Variants in WDR27 observed in about 807,000 individuals in gnomAD.
WDR27 encodes WD repeat-containing protein 27.
In WDR27, 100 loss-of-function variants were observed where a neutral mutation model predicts 114.4. That is an observed-to-expected ratio of 0.87 (90% confidence interval 0.74 to 1.03). The LOEUF (loss-of-function observed/expected upper bound fraction) is 1.03, where lower values mean the gene tolerates loss of function less well. WDR27 is among the 50% of genes least tolerant of loss of function. WDR27 has a pLI of 0.00. For missense variants in WDR27, 1,129 were observed against 1,092.9 expected, an observed-to-expected ratio of 1.03 and a Z score of -0.47; for synonymous variants, 449 against 423.1, an observed-to-expected ratio of 1.06 and a Z score of -0.75.
At chr6:169,442,379 A>G in the WDR27 span, among the ~76,000 whole-genome samples, 1 of 152,268 alleles carries the variant, frequency 6.6e-6, no homozygotes, top group African/African-American at 2.4e-5. Flanking sequence ...TATGTCTGAA[A>G]GAATTCTTAT....
At chr6:169,579,386 AAAGAACTACC>A (rs1802988576) in intron 24 of WDR27, among the ~76,000 whole-genome samples, 1 of 152,202 alleles carries the variant, frequency 6.6e-6, no homozygotes, top group Non-Finnish European at 1.5e-5. Flanking sequence ...AGAGAGTGAG[AAAGAACTACC>A]AAGTACCCAT....
At chr6:169,587,719 T>C (rs919177606) in intron 23 of WDR27, among the ~76,000 whole-genome samples, 1 of 152,248 alleles carries the variant, frequency 6.6e-6, no homozygotes, top group Non-Finnish European at 1.5e-5. Flanking sequence ...GCCTTTCTCA[T>C]AACAATCCTG....
At chr6:169,523,417 A>C (rs1206363418) in intron 25 of WDR27, among the ~76,000 whole-genome samples, 1 of 152,064 alleles carries the variant, frequency 6.6e-6, no homozygotes, top group East Asian at 1.9e-4. Context: ...TGAAGAGGAG[A>C]TAATACTTCT....
chr6:169,680,975 T>C (rs546826132), intron 2 of WDR27, among the ~76,000 whole-genome samples: 29 of 152,300 alleles, frequency 1.9e-4, no homozygotes, highest in African/African-American at 7.0e-4. Flanking sequence ...CCTCTTTCAA[T>C]AACTGACTGA....
the WDR27 span, among the ~76,000 whole-genome samples, chr6:169,428,602 G>C: frequency 6.8e-6 from 1 of 147,722 alleles, no homozygotes; most frequent in Non-Finnish European, 1.5e-5. Flanking sequence ...GACGGTGGCG[G>C]GGGGGAGGGG....
intron 25 of WDR27, among the ~76,000 whole-genome samples, chr6:169,474,204 T>C (rs2115346993): frequency 6.6e-6 from 1 of 152,370 alleles, no homozygotes; most frequent in East Asian, 1.9e-4. Context: ...AAATATGGTG[T>C]TGCCTAGTAA....
At chr6:169,565,707 C>T (rs72568778) in intron 25 of WDR27, among the ~76,000 whole-genome samples, 15,062 of 152,242 alleles carry the variant, frequency 0.099, 1,798 homozygotes, top group East Asian at 0.58. Flanking sequence ...TAGGGTCTCG[C>T]TCTGTTGCCC....
chr6:169,550,848 T>C (rs1486039237), intron 25 of WDR27, among the ~76,000 whole-genome samples: 2 of 152,198 alleles, frequency 1.3e-5, no homozygotes, highest in African/African-American at 4.8e-5. Context: ...CCCAAGTAGC[T>C]GAGACCACAG....
chr6:169,654,700 GAGGAGGCGCGCACAGGAGA>G (rs913460412), intron 13 of WDR27, among the ~76,000 whole-genome samples: 22 of 141,458 alleles, frequency 1.6e-4, no homozygotes, highest in African/African-American at 5.3e-4. Context: ...GCGAGCTGAG[GAGGAGGCGCGCACAGGAGA>G]AGGAGGCGCG....
At chr6:169,663,311 G>T (rs1363413146) in intron 8 of WDR27, among the ~76,000 whole-genome samples, 1 of 138,922 alleles carries the variant, frequency 7.2e-6, no homozygotes, top group Admixed American at 7.5e-5. Context: ...CTGGATAAAA[G>T]TAATTTCAGA....
chr6:169,444,095 C>T, the WDR27 span, among the ~76,000 whole-genome samples: 10 of 152,262 alleles, frequency 6.6e-5, no homozygotes, highest in South Asian at 1.2e-3. Flanking sequence ...CTCCCAGTCA[C>T]GTGTCCAGAT....
chr6:169,515,681 A>T (rs1219692692), intron 25 of WDR27, among the ~76,000 whole-genome samples: 1 of 151,806 alleles, frequency 6.6e-6, no homozygotes, highest in East Asian at 1.9e-4. Context: ...AAAGGTAATG[A>T]TTAAAATAGA....
At chr6:169,617,519 G>C (rs529803707) in intron 21 of WDR27, among the ~76,000 whole-genome samples, 2 of 152,286 alleles carry the variant, frequency 1.3e-5, no homozygotes, top group Non-Finnish European at 2.9e-5. Flanking sequence ...AGGATTACAA[G>C]GTCATGCCAC....
intron 13 of WDR27, chr6:169,658,023 C>A: frequency 2.8e-6 from 1 of 354,754 alleles, no homozygotes; most frequent in Non-Finnish European, 5.4e-6. Context: ...ACCAGAGGAA[C>A]AGCGGTCAGT....
chr6:169,669,583 A>C (rs1778166095), intron 4 of WDR27: 1 of 152,212 alleles, frequency 6.6e-6, no homozygotes, highest in Non-Finnish European at 1.5e-5. Context: ...TAGTTTTGTT[A>C]TAAATGGTGG....
chr6:169,579,985 T>C (rs1803102544), intron 24 of WDR27, among the ~76,000 whole-genome samples: 1 of 152,200 alleles, frequency 6.6e-6, no homozygotes, highest in Non-Finnish European at 1.5e-5. Flanking sequence ...ATAAAGAAAG[T>C]AGCAATCCCC....
intron 25 of WDR27, among the ~76,000 whole-genome samples, chr6:169,534,244 G>C (rs978797519): frequency 4.6e-5 from 7 of 152,214 alleles, no homozygotes; most frequent in Non-Finnish European, 7.3e-5. Flanking sequence ...AATCCCACTT[G>C]CTGATGGTGT....
chr6:169,644,425 G>A (rs149056520), intron 16 of WDR27, among the ~76,000 whole-genome samples: 4,046 of 141,098 alleles, frequency 0.029, 128 homozygotes, highest in East Asian at 0.062. Context: ...CTAGTTCACA[G>A]GAGTCACACT....
chr6:169,676,892 A>G (rs1465713556), intron 2 of WDR27, among the ~76,000 whole-genome samples: 1 of 152,206 alleles, frequency 6.6e-6, no homozygotes, highest in African/African-American at 2.4e-5. Flanking sequence ...TAGCCTGACC[A>G]TCACGCACAT....
Sources: gnomAD v4.1 joint callset for allele counts (sites outside exome capture counted in the v4.1 genomes callset) on GRCh38, gnomAD v4.1.1 for gene constraint, MANE v1.5 for transcripts, NCBI Gene and HGNC (gene_info 2026-07-23, HGNC 2026-07-21) for gene names.